Variants in PLA2G4E observed in about 807,000 individuals in gnomAD.
PLA2G4E encodes cytosolic phospholipase A2 epsilon.
PLA2G4E carries 84 observed loss-of-function variants against 109.1 expected under a neutral mutation model. The ratio of observed to expected loss-of-function variants is 0.77; its 90% CI spans 0.65 to 0.92. The LOEUF is 0.92. Ranked by LOEUF, PLA2G4E falls within the 40% of genes least tolerant of loss-of-function variation. PLA2G4E has a pLI of 0.00. For missense variants in PLA2G4E, 1,057 were observed against 1,076.6 expected (o/e 0.98, Z 0.25); for synonymous variants, 469 against 436.1 (o/e 1.08, Z -0.94).
At chr15:42,000,367 G>A in intron 7 of PLA2G4E, 85 bp from the exon 8 acceptor site, 3 of 1,303,234 alleles carry the variant, frequency 2.3e-6, no homozygotes, top group Non-Finnish European at 3.2e-6. Context: ...CTATTTGGAG[G>A]TATCCAGGAG....
intron 1 of PLA2G4E, among the ~76,000 whole-genome samples, chr15:42,030,596 G>C (rs1167304761): frequency 2.6e-5 from 4 of 152,198 alleles, no homozygotes; most frequent in African/African-American, 9.7e-5. Flanking sequence ...GGAGATGGTG[G>C]GAGGCCAGGT....
chr15:42,024,655 T>C (rs1358260051), intron 1 of PLA2G4E, among the ~76,000 whole-genome samples: 1 of 152,166 alleles, frequency 6.6e-6, no homozygotes, highest in African/African-American at 2.4e-5. Context: ...TGTCCCTTCC[T>C]TCCCACCTCC....
At chr15:42,019,540 C>A (rs2068628165) in intron 1 of PLA2G4E, among the ~76,000 whole-genome samples, 1 of 152,178 alleles carries the variant, frequency 6.6e-6, no homozygotes, top group Non-Finnish European at 1.5e-5. Flanking sequence ...CAGGTCAGGC[C>A]AGGCAGGTGA....
At chr15:42,038,252 T>C (rs1456829356) in intron 1 of PLA2G4E, among the ~76,000 whole-genome samples, 1 of 152,228 alleles carries the variant, frequency 6.6e-6, no homozygotes, top group Non-Finnish European at 1.5e-5. Context: ...CAGGGACTGG[T>C]TTTGTAGAAG....
At position 42,033,577 on chromosome 15, in the gene PLA2G4E, C is replaced by A. The variant is rs539156190; in HGVS notation, c.183+16944G>T. Among the ~76,000 whole-genome samples the A allele has an allele frequency of 4.5e-4, 7 of 15,658 alleles. No individual in the cohort carries two copies. The South Asian group carries it at 0.015, about 33-fold the overall frequency. The allele number at this position is 15,658 out of a possible 152,430, so 10.3% of individuals were successfully genotyped here. ...AGGAGGCATTGGGGCAAAGGACATC[C>A]TGGGTGGGTGGGGTGGGAGGGGCAG... is the stretch of plus-strand genomic sequence containing the variant. On this transcript the variant is annotated intron_variant, in intron 1 of 19. Transcript: ENST00000399518.
intron 18 of PLA2G4E, 105 bp downstream of exon 18, chr15:41,985,734 C>G (rs1333533178): frequency 2.2e-6 from 3 of 1,381,396 alleles, no homozygotes; most frequent in Non-Finnish European, 3.0e-6. Context: ...TGGGGGCTGT[C>G]TAGAGCATGC....
intron 13 of PLA2G4E, among the ~76,000 whole-genome samples, chr15:41,992,128 A>C (rs999490386): frequency 2.6e-5 from 4 of 152,124 alleles, no homozygotes; most frequent in Non-Finnish European, 5.9e-5. Context: ...TGGCCATGAG[A>C]ACGGGCCCTG....
rs1412689886 is a variant in PLA2G4E at position 42,004,346 on chromosome 15, AAGAG to A, written c.566+588_566+591del. 4.5e-4 allele frequency among the ~76,000 whole-genome samples: 68 copies of A among 151,140 alleles called. 2 individuals are homozygous for A. The highest frequency in any genetic ancestry group is 1.5e-5 in the Non-Finnish European group (1 of 67,694). On this transcript the variant is annotated intron_variant, in intron 5 of 19. Transcript: ENST00000399518. ...GAAAGAAAGGAAAGAAAGGGAAAGA[AAGAG>A]AGAGGGAGAGAGGGAGAAAGGGAGA...
chr15:42,005,935 A>G (rs1704366), intron 4 of PLA2G4E, 55 bp downstream of exon 4: 1,522,153 of 1,574,970 alleles, frequency 0.97, 736,814 homozygotes, highest in South Asian at 0.98. Context: ...GGAATCAGCA[A>G]CAGCTATGAG....
intron 10 of PLA2G4E, chr15:41,997,527 G>A (rs1006817466): frequency 1.4e-5 from 4 of 276,338 alleles, no homozygotes; most frequent in African/African-American, 8.8e-5. Context: ...AAAGATAACT[G>A]TTGGCACTGT....
chr15:42,007,855 T>A (rs763054898), exon 3 of PLA2G4E: 84 of 1,603,654 alleles, frequency 5.2e-5, no homozygotes, highest in Non-Finnish European at 7.0e-5. Context: ...CAAAACAGTC[T>A]GTCTGGCTCA....
chr15:42,018,351 C>A (rs147405934), intron 1 of PLA2G4E, among the ~76,000 whole-genome samples: 1 of 152,274 alleles, frequency 6.6e-6, no homozygotes, highest in African/African-American at 2.4e-5. Context: ...AGGGCCAAAG[C>A]TTTAAGGACT....
At chr15:42,013,184 C>T (rs72726085) in intron 2 of PLA2G4E, among the ~76,000 whole-genome samples, 9,907 of 152,276 alleles carry the variant, frequency 0.065, 415 homozygotes, top group Admixed American at 0.12. Flanking sequence ...TGGACTCTGG[C>T]ATGGTCCCCA....
intron 1 of PLA2G4E, among the ~76,000 whole-genome samples, chr15:42,046,997 TC>T (rs1889428156): frequency 6.6e-6 from 1 of 152,128 alleles, no homozygotes; most frequent in South Asian, 2.1e-4. Context: ...ATAGGGGTGG[TC>T]CTGGAGGGAA....
chr15:42,007,163 A>G (rs1220086950), intron 3 of PLA2G4E, among the ~76,000 whole-genome samples: 1 of 152,228 alleles, frequency 6.6e-6, no homozygotes, highest in East Asian at 1.9e-4. Context: ...AATTTGTTGT[A>G]AGGGATCTCT....
At chr15:42,016,131 C>T (rs1214263702) in intron 1 of PLA2G4E, among the ~76,000 whole-genome samples, 1 of 151,196 alleles carries the variant, frequency 6.6e-6, no homozygotes, top group Non-Finnish European at 1.5e-5. Context: ...TAAGAGGATT[C>T]AATTCTTCTC....
intron 16 of PLA2G4E, 28 bp from the exon 17 acceptor site, chr15:41,987,403 G>C (rs747802379): frequency 2.5e-6 from 4 of 1,598,068 alleles, no homozygotes. Flanking sequence ...ATGAAGGGCA[G>C]GTCATGAGAG....
At chr15:42,004,037 G>A (rs1168260113) in intron 5 of PLA2G4E, among the ~76,000 whole-genome samples, 4 of 152,134 alleles carry the variant, frequency 2.6e-5, no homozygotes, top group South Asian at 2.1e-4. Context: ...TGGGCTGGGC[G>A]CGGTGGCTCA....
chr15:42,010,703 G>T (rs114633726), intron 2 of PLA2G4E, among the ~76,000 whole-genome samples: 298 of 152,280 alleles, frequency 2.0e-3, no homozygotes, highest in African/African-American at 6.7e-3. Flanking sequence ...TACCTCTGGA[G>T]ACACCTGTCT....
Sources: allele counts gnomAD v4.1 joint callset (sites outside exome capture counted in the v4.1 genomes callset), GRCh38; gene constraint gnomAD v4.1.1; transcripts MANE v1.5; gene names NCBI Gene and HGNC (gene_info 2026-07-23, HGNC 2026-07-21).